FOXJ3: variants seen among roughly 807,000 people sequenced by gnomAD.
FOXJ3 encodes forkhead box protein J3.
Under a neutral mutation model 76.1 loss-of-function variants are expected in FOXJ3, and 22 were observed. That is an observed-to-expected ratio of 0.29 (90% confidence interval 0.21 to 0.41). The LOEUF (loss-of-function observed/expected upper bound fraction) is 0.41, where lower values mean the gene tolerates loss of function less well. FOXJ3 is among the 10% of genes least tolerant of loss of function. The probability of loss-of-function intolerance (pLI) is 1.00; values close to 1 mark genes in which losing one functional copy is unlikely to be tolerated. For synonymous variants in FOXJ3, 269 were observed against 261.2 expected (o/e 1.03, Z -0.29); for missense variants, 613 against 762.1 (o/e 0.80, Z 2.30).
intron 4 of FOXJ3, among the ~76,000 whole-genome samples, chr1:42,232,930 C>A (rs1339292919): frequency 1.3e-5 from 2 of 151,428 alleles, no homozygotes; most frequent in Non-Finnish European, 2.9e-5. Context: ...GGTTTTAGGT[C>A]TAACATATAA....
At chr1:42,298,437 C>T (rs1653927551) in intron 2 of FOXJ3, among the ~76,000 whole-genome samples, 1 of 152,132 alleles carries the variant, frequency 6.6e-6, no homozygotes, top group African/African-American at 2.4e-5. Context: ...TTTCCCCCAG[C>T]TATTTCTAGT....
rs1271195480 is a variant in FOXJ3 at position 42,219,819 on chromosome 1, A to G, written c.528+8064T>C. Among the ~76,000 whole-genome samples the G allele has an allele frequency of 2.6e-5, 4 of 152,208 alleles. No individual in the cohort carries two copies. The East Asian group carries it at 7.7e-4, about 29-fold the overall frequency. ...TATAGTCCCAGCTAATCAGGAAGCT[A>G]AACAGTTGAGGATAGCTTGAGCCCA... On this transcript the variant is annotated intron_variant, in intron 5 of 12. Coordinates refer to ENST00000361346, the MANE Select transcript of FOXJ3 (RefSeq NM_014947.5).
intron 1 of FOXJ3, among the ~76,000 whole-genome samples, chr1:42,324,090 T>TATATATACACAGTGTATATACA (rs1655608375): frequency 1.1e-5 from 1 of 87,330 alleles, no homozygotes; most frequent in Non-Finnish European, 2.2e-5. Flanking sequence ...GTATATATAC[T>TATATATACACAGTGTATATACA]GTATATATAC....
intron 1 of FOXJ3, among the ~76,000 whole-genome samples, chr1:42,316,333 C>CTTTTT (rs71065173): frequency 2.7e-5 from 2 of 73,914 alleles, no homozygotes; most frequent in African/African-American, 4.3e-5. Context: ...TGCATTGGGC[C>CTTTTT]TTTTTTTTTT....
intron 1 of FOXJ3, among the ~76,000 whole-genome samples, chr1:42,331,743 CTG>C (rs1330421172): frequency 6.6e-6 from 1 of 151,678 alleles, no homozygotes; most frequent in Non-Finnish European, 1.5e-5. Flanking sequence ...TTGCACAACT[CTG>C]TGAATACACT....
intron 5 of FOXJ3, among the ~76,000 whole-genome samples, chr1:42,207,641 T>C (rs1338692413): frequency 6.6e-6 from 1 of 152,232 alleles, no homozygotes; most frequent in Non-Finnish European, 1.5e-5. Context: ...CATGCATTTC[T>C]AAAAGATCAT....
intron 12 of FOXJ3, among the ~76,000 whole-genome samples, chr1:42,180,175 G>C (rs771528611): frequency 6.6e-6 from 1 of 152,200 alleles, no homozygotes; most frequent in African/African-American, 2.4e-5. Context: ...CCAATACGTT[G>C]TTTCAGTAAC....
At chr1:42,304,355 C>G (rs980974692) in intron 2 of FOXJ3, among the ~76,000 whole-genome samples, 17 of 152,032 alleles carry the variant, frequency 1.1e-4, no homozygotes, top group African/African-American at 3.9e-4. Context: ...TCAATGCAAT[C>G]CCTATCAAAA....
chr1:42,245,574 T>C (rs899004868), intron 4 of FOXJ3, among the ~76,000 whole-genome samples: 2 of 152,054 alleles, frequency 1.3e-5, no homozygotes, highest in African/African-American at 4.8e-5. Context: ...AAAAATCATA[T>C]GATCATTTCA....
chr1:42,281,420 T>C (rs939026761), intron 2 of FOXJ3, among the ~76,000 whole-genome samples: 1 of 151,928 alleles, frequency 6.6e-6, no homozygotes, highest in African/African-American at 2.4e-5. Flanking sequence ...TTGACTTAGC[T>C]GAAGAACTTC....
chr1:42,293,299 T>G (rs1424251621), intron 2 of FOXJ3, among the ~76,000 whole-genome samples: 1 of 150,846 alleles, frequency 6.6e-6, no homozygotes, highest in Non-Finnish European at 1.5e-5. Context: ...AAAACTTGTA[T>G]CCAGAGTATT....
intron 4 of FOXJ3, among the ~76,000 whole-genome samples, chr1:42,230,636 T>C (rs952975984): frequency 6.6e-6 from 1 of 152,246 alleles, no homozygotes; most frequent in Non-Finnish European, 1.5e-5. Context: ...AGTGGCATCA[T>C]GTTGGCGCTC....
At chr1:42,241,107 T>G (rs545932639) in intron 4 of FOXJ3, among the ~76,000 whole-genome samples, 5 of 152,304 alleles carry the variant, frequency 3.3e-5, no homozygotes, top group African/African-American at 1.2e-4. Context: ...GGGAAAAGGA[T>G]AAGTGAGTGA....
Position 42,181,921 on chromosome 1 carries a change from C to A in FOXJ3, c.1749G>T (p.Met583Ile). 1 of 1,596,796 alleles carries A rather than the reference C, an allele frequency of 6.3e-7. No homozygotes were observed. Among genetic ancestry groups the A allele is most frequent in the Admixed American group, 1.7e-5 (1 of 59,702 alleles). The change falls in exon 12 of 13, where the codon ATG becomes ATT. Residue 583 changes from methionine (M) to isoleucine (I), a missense_variant. Physicochemically the swap from Met to Ile is conservative, Grantham distance 10. This residue lies in a region of FOXJ3 where 526 missense variants were observed against 601.4 expected (regional missense o/e 0.87). Coordinates refer to ENST00000361346, the MANE Select transcript of FOXJ3 (RefSeq NM_014947.5). The part of the protein sequence containing the change: ...PQALSTPGTT[M>I]AGHHRAMNQQ... ...CACTCTCTCTCTCTCTCTTACCTGC[C>A]ATCGTTGTTCCTGGAGTGCTGAGTG... is the stretch of plus-strand genomic sequence containing the variant.
In FOXJ3 at chr1:42,245,705, A is replaced by G. The variant is rs1011291567; in HGVS notation, c.445-17739T>C. ...GGCCATTTATGACAAACCCACAGCT[A>G]ACATCATACCAAACTGAAAAGCTGG... On this transcript the variant is annotated intron_variant, in intron 4 of 12. Transcript: ENST00000361346. Among the ~76,000 whole-genome samples, 3 of 86,478 alleles carry G rather than the reference A, an allele frequency of 3.5e-5. No homozygotes were observed. The Admixed American group carries it at 4.5e-4, about 13-fold the overall frequency. 56.7% of individuals were successfully genotyped at this position (86,478 alleles called of 152,430 possible).
chr1:42,265,138 G>T lies in FOXJ3; in HGVS notation c.421C>A (p.Arg141=). ...SLNKCFLKVP[R]SKDDPGKGSY... ...ACCTTTCCAGGGTCATCCTTAGATC[G>T]AGGCACTTTAAGGAAACATTTGTTC... Residue 141 remains arginine (R), a synonymous_variant, in exon 4 of 13, where the codon CGA becomes AGA. Transcript: ENST00000361346. 6.3e-7 allele frequency: 1 copy of T among 1,597,302 alleles called. No homozygotes were observed. The highest frequency in any genetic ancestry group is 8.6e-7 in the Non-Finnish European group (1 of 1,166,172).
intron 7 of FOXJ3, among the ~76,000 whole-genome samples, chr1:42,197,833 T>C (rs1057306488): frequency 6.6e-6 from 1 of 152,158 alleles, no homozygotes. Context: ...AGACAGGGTC[T>C]CACTATGTTG....
chr1:42,314,325 A>AC (rs1330996193), intron 1 of FOXJ3, among the ~76,000 whole-genome samples: 1 of 152,156 alleles, frequency 6.6e-6, no homozygotes, highest in African/African-American at 2.4e-5. Context: ...AACTCGGCTC[A>AC]CTGCAACCTC....
At chr1:42,301,771 A>G (rs901781854) in intron 2 of FOXJ3, among the ~76,000 whole-genome samples, 3 of 152,178 alleles carry the variant, frequency 2.0e-5, no homozygotes, top group African/African-American at 7.2e-5. Context: ...GAGCTTCTTT[A>G]AAACCAACAT....
Sources: allele counts gnomAD v4.1 joint callset (sites outside exome capture counted in the v4.1 genomes callset), GRCh38; gene constraint gnomAD v4.1.1; regional missense constraint gnomAD v4.1.1; transcripts MANE v1.5; gene names NCBI Gene and HGNC (gene_info 2026-07-23, HGNC 2026-07-21).